CNBD1: variants seen among roughly 807,000 people sequenced by gnomAD.
CNBD1 encodes the protein cyclic nucleotide binding domain containing 1.
CNBD1 carries 71 observed loss-of-function variants against 54.4 expected under a neutral mutation model. The observed-to-expected ratio is 1.30, with a 90% confidence interval of 1.08 to 1.59. CNBD1 has a LOEUF of 1.59. Ranked by LOEUF, CNBD1 falls within the 40% of genes most tolerant of loss-of-function variation. The probability of loss-of-function intolerance (pLI) is 0.00; values close to 1 mark genes in which losing one functional copy is unlikely to be tolerated. For synonymous variants in CNBD1, 182 were observed against 170.7 expected (o/e 1.07, Z -0.51); for missense variants, 659 against 518.0 (o/e 1.27, Z -2.64).
At chr8:87,306,888 C>T (rs1028964172) in intron 8 of CNBD1, among the ~76,000 whole-genome samples, 7 of 152,052 alleles carry the variant, frequency 4.6e-5, no homozygotes, top group Admixed American at 1.3e-4. Flanking sequence ...CAAATACCAC[C>T]TGTACCCAAA....
At chr8:87,144,349 A>G (rs1360910224) in intron 4 of CNBD1, among the ~76,000 whole-genome samples, 1 of 152,232 alleles carries the variant, frequency 6.6e-6, no homozygotes, top group Non-Finnish European at 1.5e-5. Flanking sequence ...AGAATAAGTC[A>G]CCATGGTTGA....
intron 2 of CNBD1, among the ~76,000 whole-genome samples, chr8:86,899,181 A>G (rs572680744): frequency 1.3e-4 from 20 of 152,276 alleles, no homozygotes; most frequent in African/African-American, 4.6e-4. Flanking sequence ...AAGGGAGGAA[A>G]TGGGGAGATG....
At chr8:87,195,653 G>A (rs922959327) in intron 4 of CNBD1, among the ~76,000 whole-genome samples, 9 of 150,414 alleles carry the variant, frequency 6.0e-5, no homozygotes, top group Admixed American at 4.0e-4. Flanking sequence ...GGCTCACTGC[G>A]ACCTCTGCCT....
rs766735333 is a variant in CNBD1, at chr8:87,284,704, T to C, written c.798T>C (p.Thr266=). 1.2e-6 allele frequency: 2 copies of C among 1,606,734 alleles called. No homozygotes were observed. Among genetic ancestry groups the C allele is most frequent in the Non-Finnish European group, 8.5e-7 (1 of 1,176,836 alleles). The part of the protein sequence containing the change: ...SMLSKWSTFG[T]LEVMPQNESE... ...TTAGCAAATGGAGTACCTTTGGGAC[T>C]CTGGAAGTTATGCCTCAGAATGAAT... is the stretch of plus-strand genomic sequence containing the variant. Residue 266 remains threonine (T), a synonymous_variant, in exon 7 of 11, where the codon ACT becomes ACC. Coordinates refer to ENST00000518476, the MANE Select transcript of CNBD1 (RefSeq NM_173538.3).
rs2060121 is a variant in CNBD1 at position 87,179,341 on chromosome 8, T to G, written c.432-26652T>G. Among the ~76,000 whole-genome samples the G allele has an allele frequency of 1.9e-3, 282 of 152,318 alleles. 1 individual carries two copies. The highest frequency in any genetic ancestry group is 6.5e-3 in the African/African-American group (269 of 41,570). Reference sequence around the variant, plus strand: ...TTTAAAAACTGCAGTTTTAAAACATTAGATATAAGTACCATTTAAATATGA... The same window carrying G: ...TTTAAAAACTGCAGTTTTAAAACATGAGATATAAGTACCATTTAAATATGA... On this transcript the variant is annotated intron_variant, in intron 4 of 10. Transcript: ENST00000518476.
intron 4 of CNBD1, among the ~76,000 whole-genome samples, chr8:86,979,940 C>T (rs931069309): frequency 6.6e-6 from 1 of 152,156 alleles, no homozygotes. Flanking sequence ...GATTGAATTA[C>T]TTTACTTATA....
At chr8:86,995,215 A>C (rs1242360213) in intron 4 of CNBD1, among the ~76,000 whole-genome samples, 1 of 152,210 alleles carries the variant, frequency 6.6e-6, no homozygotes, top group Admixed American at 6.5e-5. Context: ...TGAGGAGATA[A>C]GAATACATAA....
rs571446606 is a variant in CNBD1, at chr8:87,275,173, G to A, written c.772-9505G>A. Among the ~76,000 whole-genome samples the A allele has an allele frequency of 2.1e-4, 30 of 141,508 alleles. 2 individuals are homozygous for A. In the South Asian group the frequency reaches 4.4e-3, roughly 21 times the overall value. The allele number at this position is 141,508 out of a possible 152,430, so 92.8% of individuals were successfully genotyped here. ...CCAGTACCATGCTGTTTTGGTTACCGTAGCCTTGTAGTATAGTTTGAAGTC... is the reference window on the plus strand; with the variant it reads ...CCAGTACCATGCTGTTTTGGTTACCATAGCCTTGTAGTATAGTTTGAAGTC... On this transcript the variant is annotated intron_variant, in intron 6 of 10. Coordinates refer to ENST00000518476, the MANE Select transcript of CNBD1 (RefSeq NM_173538.3).
chr8:87,229,520 T>G (rs1290069104), intron 5 of CNBD1, among the ~76,000 whole-genome samples: 1 of 152,184 alleles, frequency 6.6e-6, no homozygotes, highest in Non-Finnish European at 1.5e-5. Flanking sequence ...TAGTAATCTT[T>G]TTTAGACAAT....
At chr8:87,329,908 G>T (rs1327402162) in intron 8 of CNBD1, among the ~76,000 whole-genome samples, 1 of 151,776 alleles carries the variant, frequency 6.6e-6, no homozygotes, top group East Asian at 1.9e-4. Flanking sequence ...TACTGCATTA[G>T]CTAGGACTTC....
At chr8:86,945,551 AAAAACACTT>A (rs1807446434) in intron 4 of CNBD1, among the ~76,000 whole-genome samples, 1 of 152,214 alleles carries the variant, frequency 6.6e-6, no homozygotes, top group East Asian at 1.9e-4. Context: ...CTGATCAAAG[AAAAACACTT>A]TGTGGGGCTA....
intron 6 of CNBD1, among the ~76,000 whole-genome samples, chr8:87,275,372 GC>G (rs1808455208): frequency 6.6e-6 from 1 of 151,596 alleles, no homozygotes; most frequent in Non-Finnish European, 1.5e-5. Flanking sequence ...GGGCAGTATG[GC>G]CATTTTCACG....
chr8:87,110,387 G>C (rs1235935565), intron 4 of CNBD1, among the ~76,000 whole-genome samples: 1 of 152,022 alleles, frequency 6.6e-6, no homozygotes, highest in Non-Finnish European at 1.5e-5. Context: ...TCTTGCTCTG[G>C]ACCCCACCCA....
At chr8:86,978,741 C>G (rs1808401550) in intron 4 of CNBD1, among the ~76,000 whole-genome samples, 1 of 151,826 alleles carries the variant, frequency 6.6e-6, no homozygotes, top group African/African-American at 2.4e-5. Context: ...TGGGGTTTCT[C>G]CATGTTGGTC....
rs541784948 is a variant in CNBD1 at position 86,877,062 on chromosome 8, C to G, written c.88+10479C>G. Reference sequence around the variant, plus strand: ...ACCTAGTATGAAATGAGAAAAATTTCCCTCTTCACATGTTGATTTTGTTGC... The same window carrying G: ...ACCTAGTATGAAATGAGAAAAATTTGCCTCTTCACATGTTGATTTTGTTGC... On this transcript the variant is annotated intron_variant, in intron 1 of 10. Coordinates refer to ENST00000518476, the MANE Select transcript of CNBD1 (RefSeq NM_173538.3). Among the ~76,000 whole-genome samples, 50 of 151,804 alleles carry G rather than the reference C, an allele frequency of 3.3e-4. 1 individual carries two copies. The South Asian group carries it at 0.01, about 30-fold the overall frequency.
chr8:87,388,397 A>G (rs1811236760), intron 2 of CNBD1, among the ~76,000 whole-genome samples: 1 of 152,106 alleles, frequency 6.6e-6, no homozygotes, highest in East Asian at 1.9e-4. Flanking sequence ...AAATAGACAC[A>G]ATAAAAAATG....
chr8:87,300,554 A>C (rs1472731313), intron 8 of CNBD1, among the ~76,000 whole-genome samples: 1 of 152,220 alleles, frequency 6.6e-6, no homozygotes, highest in Non-Finnish European at 1.5e-5. Context: ...TGAAGACATT[A>C]GAAAATCATA....
intron 3 of CNBD1, among the ~76,000 whole-genome samples, chr8:86,935,303 T>C (rs1043942681): frequency 1.1e-4 from 16 of 152,178 alleles, no homozygotes; most frequent in African/African-American, 3.9e-4. Flanking sequence ...CCCAAAGTGC[T>C]GGGATTACAG....
At chr8:87,371,728 G>T (rs1293514277) in intron 10 of CNBD1, among the ~76,000 whole-genome samples, 2 of 151,898 alleles carry the variant, frequency 1.3e-5, no homozygotes. Context: ...CAGAACCAAA[G>T]ACAAAAACCA....
Sources: allele counts gnomAD v4.1 joint callset (sites outside exome capture counted in the v4.1 genomes callset), GRCh38; gene constraint gnomAD v4.1.1; transcripts MANE v1.5; gene names NCBI Gene and HGNC (gene_info 2026-07-23, HGNC 2026-07-21).